Variants in MFHAS1 observed in about 807,000 individuals in gnomAD.
The protein encoded by MFHAS1 is malignant fibrous histiocytoma-amplified sequence 1.
A neutral mutation model predicts 70.4 loss-of-function variants in MFHAS1; 50 were observed. The observed-to-expected ratio is 0.71, with a 90% CI of 0.57 to 0.90. MFHAS1 has a LOEUF of 0.90. Ranked by LOEUF, MFHAS1 falls within the 40% of genes least tolerant of loss-of-function variation. MFHAS1 has a pLI of 0.00. For synonymous variants in MFHAS1, 952 were observed against 620.0 expected, an observed-to-expected ratio of 1.54 and a Z score of -7.96; for missense variants, 1,795 against 1,347.6, an observed-to-expected ratio of 1.33 and a Z score of -5.20.
intron 1 of MFHAS1, among the ~76,000 whole-genome samples, chr8:8,875,123 T>A (rs192633593): frequency 2.0e-5 from 3 of 152,246 alleles, no homozygotes; most frequent in Non-Finnish European, 4.4e-5. Flanking sequence ...AGATCTTGCA[T>A]CTGACGTGCC....
chr8:8,891,592 G>T lies in MFHAS1; in HGVS notation c.1467C>A (p.Pro489=). The change falls in exon 1 of 3, where the codon CCC becomes CCA. Residue 489 remains proline (P), a synonymous_variant. Transcript: ENST00000276282. This position sits in a 1 kb window ranked among gnomAD's most constrained non-coding sequence, Gnocchi z 5.4. ...ATAGGGCCCCTGGGGACAGGAAGAA[G>T]GGCTGGATCACCTCATAACTTTCAT... ...AGDESYEVIQ[P]FFLSPGALYV... 6.2e-7 allele frequency: 1 copy of T among 1,613,450 alleles called. No individual in the cohort carries two copies. The highest frequency in any genetic ancestry group is 8.5e-7 in the Non-Finnish European group (1 of 1,180,042).
rs113065905 is a variant in MFHAS1, at chr8:8,888,517, A to AACAC, written c.2998+1540_2998+1543dup. ...TGCTCCACAAAAAAACAAAAAACAA[A>AACAC]ACACACACACACACACACACACAAA... On this transcript the variant is annotated intron_variant, in intron 1 of 2. Transcript: ENST00000276282. Among the ~76,000 whole-genome samples the AACAC allele has an allele frequency of 7.7e-3, 1,162 of 150,554 alleles. 19 individuals carry two copies. Among genetic ancestry groups the AACAC allele is most frequent in the African/African-American group, 0.025 (1,027 of 41,044 alleles).
intron 2 of MFHAS1, among the ~76,000 whole-genome samples, chr8:8,793,033 C>T (rs776736987): frequency 1.3e-5 from 2 of 152,186 alleles, no homozygotes; most frequent in African/African-American, 4.8e-5. Context: ...AGCCACTCAG[C>T]TCCTGTTTCT....
intron 1 of MFHAS1, among the ~76,000 whole-genome samples, chr8:8,859,734 T>C (rs1333476123): frequency 2.0e-5 from 3 of 152,238 alleles, no homozygotes; most frequent in East Asian, 3.8e-4. Context: ...ATATCTATAA[T>C]GTACAAAATA....
intron 1 of MFHAS1, among the ~76,000 whole-genome samples, chr8:8,889,297 G>T (rs975676322): frequency 2.0e-5 from 3 of 152,178 alleles, no homozygotes; most frequent in Non-Finnish European, 4.4e-5. Context: ...AAAGATTTCA[G>T]TCATCTATCT....
intron 1 of MFHAS1, among the ~76,000 whole-genome samples, chr8:8,878,771 G>C (rs538257552): frequency 6.2e-4 from 94 of 152,186 alleles, no homozygotes; most frequent in African/African-American, 2.2e-3. Flanking sequence ...CTATAACCTA[G>C]TACTAATACA....
In MFHAS1 at chr8:8,890,745, G is replaced by A. The variant is rs777896379; in HGVS notation, c.2314C>T (p.Arg772Trp). ...AEGESSPPMA[R>W]STPSQELLRA... ...AGCAGTTCCTGGCTGGGGGTGGACC[G>A]CGCCATGGGCGGGGAGCTTTCCCCC... is the stretch of plus-strand genomic sequence containing the variant. The change falls in exon 1 of 3, where the codon CGG (arginine) becomes TGG (tryptophan). Residue 772 changes from arginine to tryptophan, a missense_variant. Transcript: ENST00000276282. The A allele has an allele frequency of 4.3e-6, 7 of 1,613,650 alleles. No individual in the cohort carries two copies. The highest frequency in any genetic ancestry group is 5.1e-6 in the Non-Finnish European group (6 of 1,179,762).
rs1241065152 is a variant in MFHAS1 at position 8,892,111 on chromosome 8, C to G, written c.948G>C (p.Ser316=). ...NQLTSVPSLI[S]GLGRLLTLWL... Reference sequence around the variant, plus strand: ...ACAAGGTGAGAAGCCGGCCCAGGCCCGAGATAAGGGATGGCACCGAGGTGA... The same window carrying G: ...ACAAGGTGAGAAGCCGGCCCAGGCCGGAGATAAGGGATGGCACCGAGGTGA... Residue 316 remains serine (S), a synonymous_variant, in exon 1 of 3, where the codon TCG becomes TCC. Transcript: ENST00000276282. The surrounding 1 kb of genome is among the most constrained non-coding windows in gnomAD (Gnocchi z 4.7). 1.2e-6 allele frequency: 2 copies of G among 1,612,980 alleles called. No individual in the cohort carries two copies. The highest frequency in any genetic ancestry group is 2.2e-5 in the East Asian group (1 of 44,884).
intron 1 of MFHAS1, among the ~76,000 whole-genome samples, chr8:8,801,423 T>C (rs565215757): frequency 2.0e-5 from 3 of 152,300 alleles, no homozygotes; most frequent in Admixed American, 1.3e-4. Context: ...ATTCACTTGA[T>C]GTTAACAAAT....
At chr8:8,876,767 G>A (rs1809313268) in intron 1 of MFHAS1, among the ~76,000 whole-genome samples, 1 of 151,894 alleles carries the variant, frequency 6.6e-6, no homozygotes, top group Non-Finnish European at 1.5e-5. Context: ...CCTCTTCTAT[G>A]AAGAAAAGAC....
intron 1 of MFHAS1, among the ~76,000 whole-genome samples, chr8:8,835,924 C>G (rs907040761): frequency 1.3e-5 from 2 of 152,200 alleles, no homozygotes; most frequent in Non-Finnish European, 2.9e-5. Context: ...GACTGCTTTC[C>G]AAGGTAGTGC....
intron 1 of MFHAS1, among the ~76,000 whole-genome samples, chr8:8,823,164 A>G (rs1807030136): frequency 6.6e-6 from 1 of 152,200 alleles, no homozygotes; most frequent in Non-Finnish European, 1.5e-5. Context: ...CTCTGACTAG[A>G]ACACAGTAAC....
chr8:8,869,546 C>G (rs758093731), intron 1 of MFHAS1, among the ~76,000 whole-genome samples: 9 of 152,134 alleles, frequency 5.9e-5, no homozygotes, highest in Non-Finnish European at 1.0e-4. Context: ...GCACTGCTTA[C>G]AAACCTAAGA....
chr8:8,870,373 G>A lies in MFHAS1; in HGVS notation c.2998+19688C>T, dbSNP rs970059264. Among the ~76,000 whole-genome samples, 14 of 152,156 alleles carry A rather than the reference G, an allele frequency of 9.2e-5. No homozygotes were observed. In the East Asian group the frequency reaches 2.5e-3, roughly 27 times the overall value. On this transcript the variant is annotated intron_variant, in intron 1 of 2. Coordinates refer to ENST00000276282, the MANE Select transcript of MFHAS1 (RefSeq NM_004225.3). Reference sequence around the variant, plus strand: ...TCAGCTAACTCGGGAGGCTGCAGTGGAAGGATAGCTTGAGCCCAGGAAGTT... The same window carrying A: ...TCAGCTAACTCGGGAGGCTGCAGTGAAAGGATAGCTTGAGCCCAGGAAGTT...
At chr8:8,888,314 T>C (rs138488823) in intron 1 of MFHAS1, among the ~76,000 whole-genome samples, 17 of 152,314 alleles carry the variant, frequency 1.1e-4, no homozygotes, top group Non-Finnish European at 2.2e-4. Context: ...CTGATACTAT[T>C]ACCAGCTGCA....
chr8:8,864,059 T>C (rs1292152816), intron 1 of MFHAS1, among the ~76,000 whole-genome samples: 2 of 152,170 alleles, frequency 1.3e-5, no homozygotes, highest in Non-Finnish European at 2.9e-5. Flanking sequence ...CTTCCCACTA[T>C]ATAAGCCCCC....
intron 2 of MFHAS1, among the ~76,000 whole-genome samples, chr8:8,794,818 G>C (rs902767534): frequency 1.4e-4 from 22 of 152,264 alleles, no homozygotes; most frequent in Non-Finnish European, 2.5e-4. Context: ...TCGGCATTTG[G>C]ATGTCTGGCG....
At chr8:8,786,787 T>G (rs549916936) in intron 2 of MFHAS1, among the ~76,000 whole-genome samples, 1 of 151,038 alleles carries the variant, frequency 6.6e-6, no homozygotes, top group South Asian at 2.1e-4. Context: ...TTTCCTCCAA[T>G]CCCCCATCTC....
intron 1 of MFHAS1, among the ~76,000 whole-genome samples, chr8:8,814,583 G>C (rs141598904): frequency 6.6e-6 from 1 of 152,314 alleles, no homozygotes; most frequent in African/African-American, 2.4e-5. Flanking sequence ...TTCCAAAAAT[G>C]CTGAATGAAA....
Sources: allele counts gnomAD v4.1 joint callset (sites outside exome capture counted in the v4.1 genomes callset), GRCh38; gene constraint gnomAD v4.1.1; non-coding constraint Gnocchi (gnomAD v3.1); transcripts MANE v1.5; gene names NCBI Gene and HGNC (gene_info 2026-07-23, HGNC 2026-07-21).